The following FER variants were observed in gnomAD, a reference collection of about 807,000 sequenced individuals.
FER encodes the protein tyrosine-protein kinase Fer.
In FER, 63 loss-of-function variants were observed where a neutral mutation model predicts 111.0. That is an observed-to-expected ratio of 0.57 (90% CI 0.46 to 0.70). The LOEUF is 0.70. FER is among the 30% of genes least tolerant of loss of function. The probability of loss-of-function intolerance (pLI) is 0.00; values close to 1 mark genes in which losing one functional copy is unlikely to be tolerated. For synonymous variants in FER, 327 were observed against 313.9 expected, an observed-to-expected ratio of 1.04 and a Z score of -0.44; for missense variants, 914 against 954.0, an observed-to-expected ratio of 0.96 and a Z score of 0.55.
intron 13 of FER, among the ~76,000 whole-genome samples, chr5:109,027,293 T>C (rs1389913481): frequency 6.6e-6 from 1 of 152,116 alleles, no homozygotes; most frequent in Non-Finnish European, 1.5e-5. Context: ...ACTGTATTAG[T>C]GAATTGGCCT....
intron 17 of FER, among the ~76,000 whole-genome samples, chr5:109,175,927 C>T (rs1246263837): frequency 6.6e-6 from 1 of 152,044 alleles, no homozygotes; most frequent in South Asian, 2.1e-4. Context: ...TGCAGTGAGC[C>T]GAGATCGTGC....
At chr5:108,750,676 TCATTTA>T (rs1476319615) in intron 1 of FER, among the ~76,000 whole-genome samples, 1 of 152,222 alleles carries the variant, frequency 6.6e-6, no homozygotes. Context: ...GGTAGACAAA[TCATTTA>T]CATTTCATCT....
At chr5:109,003,777 C>T (rs1765137189) in intron 13 of FER, among the ~76,000 whole-genome samples, 1 of 151,986 alleles carries the variant, frequency 6.6e-6, no homozygotes, top group Non-Finnish European at 1.5e-5. Context: ...CCTAGAATTT[C>T]AAGATCAGCC....
intron 4 of FER, among the ~76,000 whole-genome samples, chr5:108,834,942 C>T (rs958421499): frequency 1.4e-4 from 22 of 152,206 alleles, no homozygotes; most frequent in South Asian, 6.2e-4. Context: ...TTGATGCTTT[C>T]TCTTTCTTAA....
intron 17 of FER, among the ~76,000 whole-genome samples, chr5:109,114,711 G>T (rs1582092102): frequency 6.6e-6 from 1 of 152,102 alleles, no homozygotes; most frequent in East Asian, 1.9e-4. Flanking sequence ...AAGCAGACTG[G>T]ATTTGGATCA....
chr5:109,075,559 G>A (rs1776234963), intron 16 of FER, among the ~76,000 whole-genome samples: 1 of 151,820 alleles, frequency 6.6e-6, no homozygotes, highest in Non-Finnish European at 1.5e-5. Flanking sequence ...GAGTAGCTGG[G>A]ACTACAGGTG....
intron 10 of FER, among the ~76,000 whole-genome samples, chr5:108,918,508 A>C (rs530273517): frequency 3.4e-4 from 47 of 138,756 alleles, no homozygotes; most frequent in African/African-American, 1.2e-3. Flanking sequence ...TTTTTTTGAG[A>C]TGGAGTCTCG....
intron 10 of FER, among the ~76,000 whole-genome samples, chr5:108,920,894 G>T (rs990459558): frequency 2.0e-5 from 3 of 151,894 alleles, no homozygotes; most frequent in South Asian, 2.1e-4. Context: ...TCTCATCCCT[G>T]CCTACTTCCC....
intron 1 of FER, among the ~76,000 whole-genome samples, chr5:108,752,051 C>A (rs891246430): frequency 6.6e-6 from 1 of 151,866 alleles, no homozygotes; most frequent in African/African-American, 2.4e-5. Flanking sequence ...ACTATTTTTC[C>A]AAATTTCATT....
At chr5:109,140,638 T>G (rs373050157) in intron 17 of FER, among the ~76,000 whole-genome samples, 1 of 152,238 alleles carries the variant, frequency 6.6e-6, no homozygotes. Context: ...GCTACCCTTA[T>G]GAAAGTCTTG....
chr5:109,015,530 T>C (rs1766963596), intron 13 of FER, among the ~76,000 whole-genome samples: 1 of 151,870 alleles, frequency 6.6e-6, no homozygotes, highest in Admixed American at 6.6e-5. Context: ...AGACATAGCC[T>C]TTTCCCTCAA....
chr5:109,051,960 C>G, intron 16 of FER: 1 of 1,591,320 alleles, frequency 6.3e-7, no homozygotes. Context: ...GCAAGGTCAC[C>G]TCAAAGATAG....
chr5:109,147,044 G>C (rs10066375), intron 17 of FER, among the ~76,000 whole-genome samples: 1 of 151,554 alleles, frequency 6.6e-6, no homozygotes, highest in Admixed American at 6.6e-5. Context: ...TCCATTCATA[G>C]AGATTATAAA....
At chr5:108,873,411 C>T (rs773587469) in intron 8 of FER, among the ~76,000 whole-genome samples, 8 of 152,248 alleles carry the variant, frequency 5.3e-5, no homozygotes, top group Non-Finnish European at 1.0e-4. Context: ...TGCCAGAGTG[C>T]TGGGATTACA....
intron 16 of FER, among the ~76,000 whole-genome samples, chr5:109,070,179 A>T (rs560631175): frequency 1.3e-5 from 2 of 152,070 alleles, no homozygotes; most frequent in South Asian, 4.1e-4. Context: ...CAAGTCCAGA[A>T]ATAGCTTTTA....
At chr5:108,754,406 C>CAAAA (rs34475850) in intron 1 of FER, among the ~76,000 whole-genome samples, 9 of 86,520 alleles carry the variant, frequency 1.0e-4, no homozygotes, top group Non-Finnish European at 1.6e-4. Flanking sequence ...GTCCCTGTCT[C>CAAAA]AAAAAAAAAA....
chr5:108,883,997 A>G (rs949316317), intron 9 of FER, among the ~76,000 whole-genome samples: 14 of 152,006 alleles, frequency 9.2e-5, no homozygotes, highest in Admixed American at 4.6e-4. Context: ...TGGATTTGCA[A>G]ATATCTTCCT....
intron 13 of FER, among the ~76,000 whole-genome samples, chr5:109,001,611 A>G (rs1764785331): frequency 1.3e-5 from 2 of 152,188 alleles, no homozygotes; most frequent in African/African-American, 2.4e-5. Flanking sequence ...CCTATTCAAC[A>G]TAGTGTTGGA....
At chr5:109,086,612 A>G (rs1229312966) in intron 16 of FER, among the ~76,000 whole-genome samples, 2 of 151,464 alleles carry the variant, frequency 1.3e-5, no homozygotes, top group African/African-American at 2.4e-5. Flanking sequence ...ATGTATGTAG[A>G]TTAATTTTCA....
Sources: allele counts gnomAD v4.1 joint callset (sites outside exome capture counted in the v4.1 genomes callset), GRCh38; gene constraint gnomAD v4.1.1; transcripts MANE v1.5; gene names NCBI Gene and HGNC (gene_info 2026-07-23, HGNC 2026-07-21).